Variants in RIMS2 observed in about 807,000 individuals in gnomAD.
The protein encoded by RIMS2 is regulating synaptic membrane exocytosis 2.
RIMS2 carries 59 observed loss-of-function variants against 174.4 expected under a neutral mutation model. That is an observed-to-expected ratio of 0.34 (90% confidence interval 0.27 to 0.42). RIMS2 has a LOEUF of 0.42. RIMS2 is among the 10% of genes least tolerant of loss of function. The pLI is 1.00. For missense variants in RIMS2, 1,620 were observed against 1,666.3 expected, an observed-to-expected ratio of 0.97 and a Z score of 0.48; for synonymous variants, 606 against 572.5, an observed-to-expected ratio of 1.06 and a Z score of -0.84.
chr8:104,078,988 A>G (rs1219746778), intron 19 of RIMS2, among the ~76,000 whole-genome samples: 1 of 152,126 alleles, frequency 6.6e-6, no homozygotes, highest in Non-Finnish European at 1.5e-5. Flanking sequence ...CTTTAGATGT[A>G]TTTGTGAATT....
At chr8:104,223,280 A>T in intron 19 of RIMS2, 19 of 705,540 alleles carry the variant, frequency 2.7e-5, no homozygotes, top group Non-Finnish European at 3.3e-5. Flanking sequence ...CCGGCCGCTG[A>T]TTGGCGGGGA....
intron 19 of RIMS2, among the ~76,000 whole-genome samples, chr8:104,036,233 C>A (rs1402335948): frequency 4.6e-5 from 7 of 151,986 alleles, no homozygotes; most frequent in African/African-American, 1.7e-4. Context: ...TCACTGCAAG[C>A]TCCGCCTCCT....
At chr8:104,071,192 C>T (rs139235144) in intron 19 of RIMS2, among the ~76,000 whole-genome samples, 11 of 151,972 alleles carry the variant, frequency 7.2e-5, no homozygotes, top group South Asian at 2.1e-4. Context: ...GATTTTACTT[C>T]GATTCATGAA....
At chr8:103,968,634 T>G (rs1416039052) in intron 15 of RIMS2, among the ~76,000 whole-genome samples, 1 of 152,122 alleles carries the variant, frequency 6.6e-6, no homozygotes, top group Non-Finnish European at 1.5e-5. Flanking sequence ...TCCCAATTTC[T>G]TCCTCCCACT....
rs1290509005 is a variant in RIMS2, at chr8:104,246,322, C to T, written c.3476+1265C>T. 2.6e-5 allele frequency among the ~76,000 whole-genome samples: 4 copies of T among 152,170 alleles called. No homozygotes were observed. The South Asian group carries it at 8.3e-4, about 32-fold the overall frequency. On this transcript the variant is annotated intron_variant, in intron 20 of 23. Coordinates refer to ENST00000504942, the Ensembl canonical transcript of RIMS2. ...TCTGGTTCTCTCATCTGGGTCTTTTCTTTTCTTTCTTTCCTTTTTATTTTT... is the reference window on the plus strand; with the variant it reads ...TCTGGTTCTCTCATCTGGGTCTTTTTTTTTCTTTCTTTCCTTTTTATTTTT...
At chr8:103,500,923 C>G (rs746981745) in exon 1 of RIMS2, 1 of 1,607,438 alleles carries the variant, frequency 6.2e-7, no homozygotes, top group Non-Finnish European at 8.5e-7. Context: ...CCGCCTGGCT[C>G]CCATCCCGGC....
chr8:103,693,016 C>G (rs1223088570), intron 1 of RIMS2, among the ~76,000 whole-genome samples: 1 of 152,168 alleles, frequency 6.6e-6, no homozygotes, highest in South Asian at 2.1e-4. Context: ...ACCCCTTTAG[C>G]TCATGGTGAT....
At chr8:103,810,121 A>T (rs979185062) in intron 3 of RIMS2, among the ~76,000 whole-genome samples, 10 of 152,194 alleles carry the variant, frequency 6.6e-5, no homozygotes, top group African/African-American at 2.4e-4. Context: ...AGCCTTTGTC[A>T]CAGGACTAAT....
chr8:103,859,649 T>C (rs2099048052), intron 3 of RIMS2, among the ~76,000 whole-genome samples: 1 of 151,978 alleles, frequency 6.6e-6, no homozygotes, highest in Admixed American at 6.6e-5. Context: ...CTAGTATTCA[T>C]GATTGGCAAG....
chr8:104,058,968 G>A (rs1241940103), intron 19 of RIMS2, among the ~76,000 whole-genome samples: 2 of 152,166 alleles, frequency 1.3e-5, no homozygotes, highest in East Asian at 1.9e-4. Context: ...TTTGGTTACT[G>A]TAGCCTTGTA....
chr8:103,581,703 C>T (rs566359504), intron 1 of RIMS2, among the ~76,000 whole-genome samples: 1 of 152,288 alleles, frequency 6.6e-6, no homozygotes, highest in African/African-American at 2.4e-5. Flanking sequence ...TTGCAGATGA[C>T]ATGATCTTAT....
intron 3 of RIMS2, among the ~76,000 whole-genome samples, chr8:103,879,160 G>A (rs978260745): frequency 3.3e-5 from 5 of 151,518 alleles, no homozygotes; most frequent in African/African-American, 4.8e-5. Flanking sequence ...AGAGAGTGAA[G>A]GGAAAGCACT....
chr8:104,015,234 G>A (rs147509368), intron 19 of RIMS2, among the ~76,000 whole-genome samples: 2 of 152,214 alleles, frequency 1.3e-5, no homozygotes, highest in East Asian at 3.9e-4. Flanking sequence ...TTTTTTAAAT[G>A]ATCCCTTTAT....
chr8:103,596,888 T>C (rs1164791840), intron 1 of RIMS2, among the ~76,000 whole-genome samples: 1 of 152,140 alleles, frequency 6.6e-6, no homozygotes, highest in East Asian at 1.9e-4. Context: ...ACTAATTTGC[T>C]GAGCTCTATT....
intron 1 of RIMS2, among the ~76,000 whole-genome samples, chr8:103,666,465 G>A (rs991443296): frequency 5.9e-5 from 9 of 152,186 alleles, no homozygotes; most frequent in African/African-American, 1.7e-4. Context: ...TATTTACTTG[G>A]TCTCAAATCT....
chr8:104,110,843 A>G (rs1185538449), intron 19 of RIMS2, among the ~76,000 whole-genome samples: 1 of 152,208 alleles, frequency 6.6e-6, no homozygotes, highest in Admixed American at 6.5e-5. Flanking sequence ...GAGATGCACT[A>G]TAATAAAGTT....
intron 3 of RIMS2, among the ~76,000 whole-genome samples, chr8:103,791,560 A>C (rs2098499698): frequency 6.6e-6 from 1 of 152,238 alleles, no homozygotes; most frequent in South Asian, 2.1e-4. Flanking sequence ...GATAAAATTC[A>C]CACATAACTA....
chr8:104,025,686 C>T (rs1465737236), intron 19 of RIMS2, among the ~76,000 whole-genome samples: 1 of 148,364 alleles, frequency 6.7e-6, no homozygotes, highest in African/African-American at 2.5e-5. Flanking sequence ...TTATGATCAC[C>T]CTGAAGCAGT....
chr8:104,037,987 G>A (rs2096548287), intron 19 of RIMS2, among the ~76,000 whole-genome samples: 1 of 152,000 alleles, frequency 6.6e-6, no homozygotes, highest in Non-Finnish European at 1.5e-5. Context: ...AGAATAACAT[G>A]CTGTACAGGT....
Sources: allele counts gnomAD v4.1 joint callset (sites outside exome capture counted in the v4.1 genomes callset), GRCh38; gene constraint gnomAD v4.1.1; transcripts MANE v1.5; gene names NCBI Gene and HGNC (gene_info 2026-07-23, HGNC 2026-07-21).